The following TIMP2 variants were observed in gnomAD, a reference collection of about 807,000 sequenced individuals.
TIMP2 encodes TIMP metallopeptidase inhibitor 2.
TIMP2 carries 5 observed loss-of-function variants against 24.3 expected under a neutral mutation model. The observed-to-expected ratio is 0.21, with a 90% CI of 0.11 to 0.43. The LOEUF (loss-of-function observed/expected upper bound fraction) is 0.43, where lower values mean the gene tolerates loss of function less well. Ranked by LOEUF, TIMP2 falls within the 20% of genes least tolerant of loss-of-function variation. The pLI is 1.00. For synonymous variants in TIMP2, 130 were observed against 123.2 expected (o/e 1.06, Z -0.37); for missense variants, 221 against 297.5 (o/e 0.74, Z 1.89).
Position 78,920,507 on chromosome 17 carries a change from C to T in TIMP2, c.130+4452G>A, listed in dbSNP as rs978130743. 1.3e-5 allele frequency among the ~76,000 whole-genome samples: 2 copies of T among 152,170 alleles called. No homozygotes were observed. The highest frequency in any genetic ancestry group is 2.9e-5 in the Non-Finnish European group (2 of 68,034). On this transcript the variant is annotated intron_variant, in intron 1 of 4. Coordinates refer to ENST00000262768, the MANE Select transcript of TIMP2 (RefSeq NM_003255.5). The surrounding 1 kb of genome is among the most constrained non-coding windows in gnomAD (Gnocchi z 4.5). ...GCACAGCTCTCCCTGCTCTTCCAGT[C>T]CCCCTGCCTTGGGAGCTGCCAGTAA... is the stretch of plus-strand genomic sequence containing the variant.
At chr17:78,856,525 G>A (rs1194956223) in intron 4 of TIMP2, 3 of 153,450 alleles carry the variant, frequency 2.0e-5, no homozygotes, top group Non-Finnish European at 2.9e-5. Flanking sequence ...CCTGGTCCCA[G>A]ACTCACTGGG....
chr17:78,855,883 A>G lies in TIMP2; in HGVS notation c.466-19T>C. On this transcript the variant is annotated intron_variant, in intron 4 of 4. Coordinates refer to ENST00000262768, the MANE Select transcript of TIMP2 (RefSeq NM_003255.5). This position sits in a 1 kb window ranked among gnomAD's most constrained non-coding sequence, Gnocchi z 6.0. ...GCGTGATCTGGGGAGGGGCACACGG[A>G]GGGGGACGGAGTCAGGGACCCAGGA... The G allele has an allele frequency of 6.2e-7, 1 of 1,612,814 alleles. No individual in the cohort carries two copies. The highest frequency in any genetic ancestry group is 8.5e-7 in the Non-Finnish European group (1 of 1,179,586).
intron 1 of TIMP2, among the ~76,000 whole-genome samples, chr17:78,922,755 G>A (rs1296970662): frequency 6.6e-6 from 1 of 152,136 alleles, no homozygotes; most frequent in Non-Finnish European, 1.5e-5. Flanking sequence ...GGAGGCGGAG[G>A]CTGCAGCGAG....
rs1211197307 is a variant in TIMP2, at chr17:78,896,834, G to A, written c.131-22915C>T. On this transcript the variant is annotated intron_variant, in intron 1 of 4. Coordinates refer to ENST00000262768, the MANE Select transcript of TIMP2 (RefSeq NM_003255.5). This position sits in a 1 kb window ranked among gnomAD's most constrained non-coding sequence, Gnocchi z 4.4. ...CTCTCTTGCTCTCTACAGCCCCGTG[G>A]CCCCAGCGCAGGAGCCAGCCCATGG... 21 of 732,966 alleles carry A rather than the reference G, an allele frequency of 2.9e-5. No homozygotes were observed. The highest frequency in any genetic ancestry group is 3.2e-5 in the Non-Finnish European group (19 of 599,808). 45.4% of individuals were successfully genotyped at this position (732,966 alleles called of 1,614,324 possible). A position where few individuals can be genotyped will look rare whatever the true frequency, so the allele number is the denominator to read the frequency against.
In TIMP2 at chr17:78,870,937, A is replaced by C; in HGVS notation, c.301T>G (p.Ser101Ala). 6.2e-7 allele frequency: 1 copy of C among 1,613,938 alleles called. No individual in the cohort carries two copies. Residue 101 changes from serine (S) to alanine (A), a missense_variant, in exon 3 of 5, where the codon TCG becomes GCG. By Grantham distance (99) the Ser-to-Ala change is moderately conservative. Coordinates refer to ENST00000262768, the MANE Select transcript of TIMP2 (RefSeq NM_003255.5). Reference sequence around the variant, plus strand: ...TCCTTCTTTCCTCCAACGTCCAGCGAGACCCCACACACTGCCGAGGAGGGG... The same window carrying C: ...TCCTTCTTTCCTCCAACGTCCAGCGCGACCCCACACACTGCCGAGGAGGGG... The part of the protein sequence containing the change: ...TAPSSAVCGV[S>A]LDVGGKKEYL...
At chr17:78,890,857 T>G in intron 1 of TIMP2, 1 of 1,550,646 alleles carries the variant, frequency 6.4e-7, no homozygotes, top group Non-Finnish European at 8.7e-7. Flanking sequence ...GATGGGCCAG[T>G]CGAGCTCTTC....
intron 1 of TIMP2, among the ~76,000 whole-genome samples, chr17:78,907,757 G>C (rs1039320236): frequency 6.6e-6 from 1 of 152,138 alleles, no homozygotes; most frequent in African/African-American, 2.4e-5. Context: ...CAGTAAAACA[G>C]GTGCACCCAT....
rs955015124 is a variant in TIMP2, at chr17:78,869,813, T to C, written c.340+1085A>G. Reference sequence around the variant, plus strand: ...CTGGGAAATAGAGCGAGACTCTGTCTCAAAAACAAAAAAAAGAGTAAGGAA... The same window carrying C: ...CTGGGAAATAGAGCGAGACTCTGTCCCAAAAACAAAAAAAAGAGTAAGGAA... On this transcript the variant is annotated intron_variant, in intron 3 of 4. Transcript: ENST00000262768. 5.9e-5 allele frequency among the ~76,000 whole-genome samples: 9 copies of C among 152,200 alleles called. 1 individual carries two copies. Among genetic ancestry groups the C allele is most frequent in the East Asian group, 1.9e-4 (1 of 5,180 alleles).
rs189207540 is a variant in TIMP2, at chr17:78,871,267, C to T, written c.232-261G>A. ...AGGAGTTTGAGACCAGCCTGGCCAA[C>T]GTAGCAAAACCCTGTTTCTACTAAA... On this transcript the variant is annotated intron_variant, in intron 2 of 4. Coordinates refer to ENST00000262768, the MANE Select transcript of TIMP2 (RefSeq NM_003255.5). Among the ~76,000 whole-genome samples, 77 of 151,728 alleles carry T rather than the reference C, an allele frequency of 5.1e-4. No homozygotes were observed. In the East Asian group the frequency reaches 0.014, roughly 28 times the overall value.
At chr17:78,912,049 G>GT (rs1479678660) in intron 1 of TIMP2, among the ~76,000 whole-genome samples, 1 of 151,986 alleles carries the variant, frequency 6.6e-6, no homozygotes, top group Admixed American at 6.6e-5. Context: ...GGACAACAGA[G>GT]TGAGACTCTG....
At chr17:78,877,242 C>T (rs770080404) in intron 1 of TIMP2, among the ~76,000 whole-genome samples, 13 of 152,254 alleles carry the variant, frequency 8.5e-5, no homozygotes, top group Non-Finnish European at 1.9e-4. Context: ...GCCAGATTAA[C>T]TTGGTCAAAG....
At chr17:78,873,624 C>A (rs748761954) in intron 2 of TIMP2, among the ~76,000 whole-genome samples, 195 bp downstream of exon 2, 19 of 152,174 alleles carry the variant, frequency 1.2e-4, no homozygotes, top group Non-Finnish European at 2.4e-4. Flanking sequence ...TTGTGGGGAG[C>A]ATGTCATCTC....
chr17:78,911,894 C>CAAA (rs60505603), intron 1 of TIMP2, among the ~76,000 whole-genome samples: 1,493 of 112,046 alleles, frequency 0.013, 19 homozygotes, highest in African/African-American at 0.02. Context: ...AAAAACACAC[C>CAAA]AAAAAAAAAA....
chr17:78,889,800 G>T (rs780243117), intron 1 of TIMP2, among the ~76,000 whole-genome samples: 6 of 152,140 alleles, frequency 3.9e-5, no homozygotes, highest in Non-Finnish European at 8.8e-5. Context: ...GTATATAGGT[G>T]GTTTCCCAAA....
chr17:78,864,727 G>C (rs1364131427), intron 3 of TIMP2, among the ~76,000 whole-genome samples: 6 of 152,024 alleles, frequency 3.9e-5, no homozygotes, highest in Non-Finnish European at 8.8e-5. Context: ...ACATATTTTG[G>C]AAACTTTAAA....
At chr17:78,868,312 G>T (rs1244034969) in intron 3 of TIMP2, among the ~76,000 whole-genome samples, 1 of 151,920 alleles carries the variant, frequency 6.6e-6, no homozygotes, top group South Asian at 2.1e-4. Context: ...GTACAGTGGC[G>T]TGATCTCAGC....
intron 1 of TIMP2, among the ~76,000 whole-genome samples, chr17:78,918,065 A>ACACACGTGC (rs1555652947): frequency 4.8e-4 from 70 of 144,934 alleles, no homozygotes; most frequent in African/African-American, 1.8e-3. Context: ...TGCACACACA[A>ACACACGTGC]ACACACACAC....
chr17:78,862,567 T>C (rs2069576188), intron 3 of TIMP2, among the ~76,000 whole-genome samples: 1 of 152,240 alleles, frequency 6.6e-6, no homozygotes, highest in Admixed American at 6.5e-5. Flanking sequence ...TCTTTGTTGA[T>C]TTTTAGAAAC....
chr17:78,874,269 A>ATGCT (rs1238874301), intron 1 of TIMP2: 1 of 224,842 alleles, frequency 4.4e-6, no homozygotes, highest in African/African-American at 2.7e-5. Context: ...TGTTGATATC[A>ATGCT]TGCTTGAGTG....
Sources: allele counts gnomAD v4.1 joint callset (sites outside exome capture counted in the v4.1 genomes callset), GRCh38; gene constraint gnomAD v4.1.1; non-coding constraint Gnocchi (gnomAD v3.1); transcripts MANE v1.5; gene names NCBI Gene and HGNC (gene_info 2026-07-23, HGNC 2026-07-21).